The following LBX2 variants were observed in gnomAD, a reference collection of about 807,000 sequenced individuals.
LBX2 encodes the protein transcription factor LBX2.
Under a neutral mutation model 7.5 loss-of-function variants are expected in LBX2, and 6 were observed. That is an observed-to-expected ratio of 0.80 (90% confidence interval 0.44 to 1.59). LBX2 has a LOEUF of 1.59. LBX2 is among the 40% of genes most tolerant of loss of function. The probability of loss-of-function intolerance (pLI) is 0.01; values close to 1 mark genes in which losing one functional copy is unlikely to be tolerated. For missense variants in LBX2, 281 were observed against 282.0 expected, an observed-to-expected ratio of 1.00 and a Z score of 0.03; for synonymous variants, 143 against 133.2, an observed-to-expected ratio of 1.07 and a Z score of -0.51.
upstream of LBX2, chr2:74,502,636 T>G: frequency 6.2e-7 from 1 of 1,605,218 alleles, no homozygotes; most frequent in Non-Finnish European, 8.5e-7. This position sits in a 1 kb window ranked among gnomAD's most constrained non-coding sequence, Gnocchi z 5.4. Context: ...TACTGCGGAG[T>G]GAACCGGTCC....
In LBX2 at chr2:74,499,581, T is replaced by A. The variant is rs1292962154; in HGVS notation, c.-44A>T. ...GGTCCGGCTGTCCGTTGCGCTAGGC[T>A]CCGCAAACGCCTGGGCCCCAGTGCT... On this transcript the variant is annotated 5_prime_UTR_variant, in exon 1 of 2. Coordinates refer to ENST00000377566, the MANE Select transcript of LBX2 (RefSeq NM_001282430.2). This position sits in a 1 kb window ranked among gnomAD's most constrained non-coding sequence, Gnocchi z 4.6. 8 of 1,525,714 alleles carry A rather than the reference T, an allele frequency of 5.2e-6. No individual in the cohort carries two copies. The South Asian group carries it at 9.7e-5, about 19-fold the overall frequency. 94.5% of individuals were successfully genotyped at this position (1,525,714 alleles called of 1,614,324 possible). A position where few individuals can be genotyped will look rare whatever the true frequency, so the allele number is the denominator to read the frequency against.
At chr2:74,502,548 G>T, upstream of LBX2, 1 of 1,047,998 alleles carries the variant, frequency 9.5e-7, no homozygotes. This position sits in a 1 kb window ranked among gnomAD's most constrained non-coding sequence, Gnocchi z 5.4. Flanking sequence ...AGGGAGCAAA[G>T]TCCAGGCGGA....
At chr2:74,500,452 C>A (rs540006787), upstream of LBX2, among the ~76,000 whole-genome samples, 1 of 152,254 alleles carries the variant, frequency 6.6e-6, no homozygotes, top group East Asian at 1.9e-4. Context: ...TCAGAAACTG[C>A]CAAGGGGAGC....
chr2:74,500,644 C>T (rs1446259885), upstream of LBX2, among the ~76,000 whole-genome samples: 3 of 152,190 alleles, frequency 2.0e-5, no homozygotes, highest in African/African-American at 7.2e-5. Flanking sequence ...TGGTTCTGGG[C>T]TCATACCTGG....
chr2:74,499,050 T>C lies in LBX2; in HGVS notation c.205+283A>G. On this transcript the variant is annotated intron_variant, in intron 1 of 1. Coordinates refer to ENST00000377566, the MANE Select transcript of LBX2 (RefSeq NM_001282430.2). The surrounding 1 kb of genome is among the most constrained non-coding windows in gnomAD (Gnocchi z 4.6). Reference sequence around the variant, plus strand: ...TCTCTTTCTCTCCTGCCTTTCTCTATCGCGATTGCCCCGCCTACAAGGAAC... The same window carrying C: ...TCTCTTTCTCTCCTGCCTTTCTCTACCGCGATTGCCCCGCCTACAAGGAAC... 1 of 510,308 alleles carries C rather than the reference T, an allele frequency of 2.0e-6. No homozygotes were observed. Among genetic ancestry groups the C allele is most frequent in the Non-Finnish European group, 3.5e-6 (1 of 286,998 alleles). The allele number at this position is 510,308 out of a possible 1,614,324, so 31.6% of individuals were successfully genotyped here.
upstream of LBX2, chr2:74,502,961 T>C (rs1236961255): frequency 1.3e-5 from 13 of 1,012,092 alleles, 1 homozygote; most frequent in South Asian, 2.2e-4. This position sits in a 1 kb window ranked among gnomAD's most constrained non-coding sequence, Gnocchi z 5.4. Flanking sequence ...ATGTGAGTCC[T>C]GGAAATGGCG....
At chr2:74,502,594 C>A, upstream of LBX2, 2 of 1,495,150 alleles carry the variant, frequency 1.3e-6, no homozygotes, top group Non-Finnish European at 1.9e-6. This position sits in a 1 kb window ranked among gnomAD's most constrained non-coding sequence, Gnocchi z 5.4. Context: ...GTCCCGCACA[C>A]TTCTGGGATT....
upstream of LBX2, chr2:74,502,354 T>C (rs11676323): frequency 0.25 from 96,934 of 391,354 alleles, 21,994 homozygotes; most frequent in East Asian, 0.83. The surrounding 1 kb of genome is among the most constrained non-coding windows in gnomAD (Gnocchi z 5.4). Flanking sequence ...ATAAACGACC[T>C]TTAGTCTCGG....
chr2:74,500,257 G>C (rs1674458186), upstream of LBX2, among the ~76,000 whole-genome samples: 1 of 152,108 alleles, frequency 6.6e-6, no homozygotes, highest in Non-Finnish European at 1.5e-5. Flanking sequence ...AGAACACACA[G>C]AGAAGCTGCC....
chr2:74,500,470 C>A (rs911388143), upstream of LBX2, among the ~76,000 whole-genome samples: 2 of 152,162 alleles, frequency 1.3e-5, no homozygotes, highest in Non-Finnish European at 2.9e-5. Context: ...AGCAAGGTGC[C>A]CTGACCAGAG....
At chr2:74,502,273 C>T (rs1572974352), upstream of LBX2, 4 of 230,220 alleles carry the variant, frequency 1.7e-5, no homozygotes, top group Non-Finnish European at 3.4e-5. The surrounding 1 kb of genome is among the most constrained non-coding windows in gnomAD (Gnocchi z 5.4). Flanking sequence ...CACACCCCAT[C>T]GGCGGGTTCC....
chr2:74,499,554 G>T lies in LBX2; in HGVS notation c.-17C>A. On this transcript the variant is annotated 5_prime_UTR_variant, in exon 1 of 2. Coordinates refer to ENST00000377566, the MANE Select transcript of LBX2 (RefSeq NM_001282430.2). This position sits in a 1 kb window ranked among gnomAD's most constrained non-coding sequence, Gnocchi z 4.6. ...CGAGTTCATGGTCGGCCGGGCTGGG[G>T]CGGTCCGGCTGTCCGTTGCGCTAGG... The T allele has an allele frequency of 6.5e-7, 1 of 1,542,554 alleles. No homozygotes were observed. The highest frequency in any genetic ancestry group is 8.8e-7 in the Non-Finnish European group (1 of 1,141,872).
At position 74,499,566 on chromosome 2, in the gene LBX2, T is replaced by C; in HGVS notation, c.-29A>G. The stretch of plus-strand genomic sequence containing the variant: ...CGGCCGGGCTGGGGCGGTCCGGCTG[T>C]CCGTTGCGCTAGGCTCCGCAAACGC... On this transcript the variant is annotated 5_prime_UTR_variant, in exon 1 of 2. Coordinates refer to ENST00000377566, the MANE Select transcript of LBX2 (RefSeq NM_001282430.2). The surrounding 1 kb of genome is among the most constrained non-coding windows in gnomAD (Gnocchi z 4.6). The C allele has an allele frequency of 3.2e-6, 5 of 1,538,536 alleles. No homozygotes were observed. The highest frequency in any genetic ancestry group is 4.4e-6 in the Non-Finnish European group (5 of 1,139,308).
At position 74,499,299 on chromosome 2, in the gene LBX2, T is replaced by C; in HGVS notation, c.205+34A>G. Reference sequence around the variant, plus strand: ...AGGAGGAGAGAGGTGAGGAAAAGGCTAAGTCAGAGTCCGCGACCTTGCCGG... The same window carrying C: ...AGGAGGAGAGAGGTGAGGAAAAGGCCAAGTCAGAGTCCGCGACCTTGCCGG... On this transcript the variant is annotated intron_variant, in intron 1 of 1. Transcript: ENST00000377566. This position sits in a 1 kb window ranked among gnomAD's most constrained non-coding sequence, Gnocchi z 4.6. 1.3e-6 allele frequency: 2 copies of C among 1,526,978 alleles called. No individual in the cohort carries two copies. The highest frequency in any genetic ancestry group is 2.5e-5 in the East Asian group (1 of 40,768). The allele number at this position is 1,526,978 out of a possible 1,614,324, so 94.6% of individuals were successfully genotyped here. A position where few individuals can be genotyped will look rare whatever the true frequency, so the allele number is the denominator to read the frequency against.
chr2:74,498,578 G>T, intron 1 of LBX2: 1 of 524,806 alleles, frequency 1.9e-6, no homozygotes, highest in Non-Finnish European at 3.3e-6. Flanking sequence ...TGAAGGAAGG[G>T]AGGGATGATT....
chr2:74,502,849 C>G (rs202062051), upstream of LBX2: 1 of 1,600,526 alleles, frequency 6.2e-7, no homozygotes, highest in South Asian at 1.1e-5. This position sits in a 1 kb window ranked among gnomAD's most constrained non-coding sequence, Gnocchi z 5.4. Flanking sequence ...TAGGGAAGTC[C>G]TTTTTCCCAT....
At chr2:74,500,012 C>T (rs2104303905), upstream of LBX2, among the ~76,000 whole-genome samples, 1 of 152,180 alleles carries the variant, frequency 6.6e-6, no homozygotes, top group East Asian at 1.9e-4. Context: ...GTGCTGGGAT[C>T]TCTGATCCCA....
At chr2:74,502,370 C>T (rs1444112034), upstream of LBX2, 5 of 431,616 alleles carry the variant, frequency 1.2e-5, no homozygotes, top group East Asian at 2.1e-4. This position sits in a 1 kb window ranked among gnomAD's most constrained non-coding sequence, Gnocchi z 5.4. Context: ...CTCGGATTGC[C>T]GGCCCGGACA....
upstream of LBX2, chr2:74,502,532 G>C: frequency 1.2e-6 from 1 of 832,060 alleles, no homozygotes; most frequent in Non-Finnish European, 1.9e-6. The surrounding 1 kb of genome is among the most constrained non-coding windows in gnomAD (Gnocchi z 5.4). Context: ...AGGGCAGTGG[G>C]AGTTCAGGGA....
Sources: allele counts gnomAD v4.1 joint callset (sites outside exome capture counted in the v4.1 genomes callset), GRCh38; gene constraint gnomAD v4.1.1; non-coding constraint Gnocchi (gnomAD v3.1); transcripts MANE v1.5; gene names NCBI Gene and HGNC (gene_info 2026-07-23, HGNC 2026-07-21).